The following LSM1 variants were observed in gnomAD, a reference collection of about 807,000 sequenced individuals.
LSM1 encodes the protein U6 snRNA-associated Sm-like protein LSm1.
A neutral mutation model predicts 18.0 loss-of-function variants in LSM1; 13 were observed. That is an observed-to-expected ratio of 0.72 (90% CI 0.47 to 1.15). The LOEUF is 1.15. Among genes scored for constraint, LSM1 ranks in the 50% most tolerant of loss-of-function variants. LSM1 has a pLI of 0.00. For synonymous variants in LSM1, 46 were observed against 56.0 expected (o/e 0.82, Z 0.80); for missense variants, 152 against 157.7 (o/e 0.96, Z 0.19).
At position 38,174,802 on chromosome 8, in the gene LSM1, C is replaced by T. The variant is rs191581375; in HGVS notation, c.46+1473G>A. On this transcript the variant is annotated intron_variant, in intron 1 of 3. Coordinates refer to ENST00000311351, the MANE Select transcript of LSM1 (RefSeq NM_014462.3). ...CTCTGGGAGGCCGAGGTGGGTGGAT[C>T]ACCTGAGGTCAGGAGTTGGAGACCA... Among the ~76,000 whole-genome samples the T allele has an allele frequency of 1.0e-3, 154 of 152,024 alleles. 1 individual carries two copies. Among genetic ancestry groups the T allele is most frequent in the African/African-American group, 3.1e-3 (128 of 41,494 alleles).
At chr8:38,163,875 A>G in intron 3 of LSM1, 35 bp from the exon 4 acceptor site, 2 of 1,594,922 alleles carry the variant, frequency 1.3e-6, no homozygotes, top group Non-Finnish European at 1.7e-6. Flanking sequence ...CTTCACCTGA[A>G]GACCAAGAAT....
chr8:38,176,552 C>G (rs555536846), upstream of LSM1: 1 of 579,174 alleles, frequency 1.7e-6, no homozygotes, highest in African/African-American at 1.9e-5. Context: ...GGCAGCCGTA[C>G]CGTTGGGGGA....
upstream of LSM1, chr8:38,176,562 A>T (rs1010054294): frequency 2.4e-5 from 14 of 577,094 alleles, no homozygotes; most frequent in Non-Finnish European, 4.3e-5. Context: ...CCGTTGGGGG[A>T]CACCCTTTCC....
In LSM1 at chr8:38,163,691, T is replaced by A; in HGVS notation, c.381A>T (p.Ala127=). Residue 127 remains alanine (A), a synonymous_variant, in exon 4 of 4, where the codon GCA becomes GCT. Transcript: ENST00000311351. The part of the protein sequence containing the change: ...LKDRGLSIPR[A]DTLDEY The stretch of plus-strand genomic sequence containing the variant: ...AAGATTAGTACTCATCAAGAGTATC[T>A]GCTCGAGGAATGGAAAGACCTCGGT... 6.2e-7 allele frequency: 1 copy of A among 1,614,244 alleles called. No individual in the cohort carries two copies.
intron 3 of LSM1, among the ~76,000 whole-genome samples, chr8:38,166,835 A>G (rs1388284514): frequency 1.3e-5 from 2 of 152,222 alleles, no homozygotes; most frequent in African/African-American, 4.8e-5. Context: ...GCAGCTAAAG[A>G]GAGCACAGTG....
At chr8:38,173,276 G>C (rs1297252992) in intron 1 of LSM1, among the ~76,000 whole-genome samples, 1 of 151,878 alleles carries the variant, frequency 6.6e-6, no homozygotes, top group Non-Finnish European at 1.5e-5. Context: ...TTAATTATAT[G>C]AGACTACAGA....
chr8:38,172,958 CAAAT>C (rs1803055489), intron 1 of LSM1, among the ~76,000 whole-genome samples: 1 of 151,656 alleles, frequency 6.6e-6, no homozygotes, highest in South Asian at 2.1e-4. Flanking sequence ...TGGAGGAGGA[CAAAT>C]AAATAAGAAA....
At position 38,171,950 on chromosome 8, in the gene LSM1, T is replaced by C. The variant is rs2130645944; in HGVS notation, c.115+15A>G. 2 of 1,576,098 alleles carry C rather than the reference T, an allele frequency of 1.3e-6. No homozygotes were observed. The highest frequency in any genetic ancestry group is 1.7e-6 in the Non-Finnish European group (2 of 1,152,608). On this transcript the variant is annotated intron_variant, in intron 2 of 3. Transcript: ENST00000311351. ...TTATCCAGAGTATAAGAGATGTCCA[T>C]AAATTAATACATACCAAATTGATCA...
intron 2 of LSM1, 30 bp from the exon 3 acceptor site, chr8:38,169,947 ATTTAG>A (rs750994112): frequency 1.5e-5 from 18 of 1,215,600 alleles, no homozygotes; most frequent in Non-Finnish European, 2.1e-5. Flanking sequence ...AACCAAAGAT[ATTTAG>A]TTTAAACTAC....
Position 38,163,545 on chromosome 8 carries a change from TTAAAAA to T in LSM1, c.*119_*124del, listed in dbSNP as rs942092764. 5.0e-6 allele frequency: 4 copies of T among 792,260 alleles called. No homozygotes were observed. In the African/African-American group the frequency reaches 5.2e-5, roughly 10 times the overall value. The allele number at this position is 792,260 out of a possible 1,614,324, so 49.1% of individuals were successfully genotyped here. A position where few individuals can be genotyped will look rare whatever the true frequency, so the allele number is the denominator to read the frequency against. On this transcript the variant is annotated 3_prime_UTR_variant, in exon 4 of 4. Coordinates refer to ENST00000311351, the MANE Select transcript of LSM1 (RefSeq NM_014462.3). Reference sequence around the variant, plus strand: ...TCTTCATGTTGCATATGTAAAATAATTAAAAATAAAAGTGACTTTTCAAAACTCTAC... The same window carrying T: ...TCTTCATGTTGCATATGTAAAATAATTAAAAGTGACTTTTCAAAACTCTAC...
intron 1 of LSM1, among the ~76,000 whole-genome samples, chr8:38,175,025 CAAAAA>C (rs1203614273): frequency 5.3e-5 from 3 of 57,098 alleles, no homozygotes; most frequent in Admixed American, 2.3e-4. Flanking sequence ...GACTCTGTCT[CAAAAA>C]AAAAAAAAAA....
At chr8:38,174,148 A>G (rs1803076230) in intron 1 of LSM1, among the ~76,000 whole-genome samples, 1 of 152,234 alleles carries the variant, frequency 6.6e-6, no homozygotes, top group Admixed American at 6.5e-5. Context: ...TGATCAAGAA[A>G]CAGACAAAAT....
chr8:38,176,680 ACCCCAGAGTCACTGACCTCCGT>A, upstream of LSM1: 2 of 662,730 alleles, frequency 3.0e-6, no homozygotes. Context: ...GGTTCCCGAG[ACCCCAGAGTCACTGACCTCCGT>A]CCCTCAGCTT....
upstream of LSM1, chr8:38,176,544 C>T: frequency 3.4e-6 from 2 of 580,120 alleles, no homozygotes; most frequent in Non-Finnish European, 6.1e-6. Flanking sequence ...AGAGGCGGGG[C>T]AGCCGTACCG....
rs1803109627 is a variant in LSM1 at position 38,175,273 on chromosome 8, G to A, written c.46+1002C>T. Among the ~76,000 whole-genome samples the A allele has an allele frequency of 2.0e-5, 3 of 151,996 alleles. No individual in the cohort carries two copies. In the South Asian group the frequency reaches 6.2e-4, roughly 32 times the overall value. ...TGTAGGAACGGGGTTTCACCATGTTGGCTAGGCTGGTCTTGAACTCCCGAC... is the reference window on the plus strand; with the variant it reads ...TGTAGGAACGGGGTTTCACCATGTTAGCTAGGCTGGTCTTGAACTCCCGAC... On this transcript the variant is annotated intron_variant, in intron 1 of 3. Coordinates refer to ENST00000311351, the MANE Select transcript of LSM1 (RefSeq NM_014462.3).
intron 3 of LSM1, chr8:38,165,962 A>C: frequency 6.6e-6 from 1 of 152,228 alleles, no homozygotes; most frequent in East Asian, 1.9e-4. Context: ...TAGTATGCTT[A>C]ATATTTTTAT....
chr8:38,172,814 TA>T, intron 1 of LSM1, among the ~76,000 whole-genome samples: 1 of 152,228 alleles, frequency 6.6e-6, no homozygotes, highest in African/African-American at 2.4e-5. Flanking sequence ...TTCAGGCATT[TA>T]AAATGAAGAC....
At chr8:38,173,525 TAGGG>T (rs1462166575) in intron 1 of LSM1, among the ~76,000 whole-genome samples, 2 of 152,258 alleles carry the variant, frequency 1.3e-5, no homozygotes, top group African/African-American at 4.8e-5. Context: ...TTTGACTTCA[TAGGG>T]AACAAGAAAA....
At chr8:38,169,111 C>T (rs1434672442) in intron 3 of LSM1, among the ~76,000 whole-genome samples, 1 of 152,082 alleles carries the variant, frequency 6.6e-6, no homozygotes, top group Non-Finnish European at 1.5e-5. Flanking sequence ...TTTTATTTTC[C>T]TTGCAAACCC....
Sources: gnomAD v4.1 joint callset for allele counts (sites outside exome capture counted in the v4.1 genomes callset) on GRCh38, gnomAD v4.1.1 for gene constraint, MANE v1.5 for transcripts, NCBI Gene and HGNC (gene_info 2026-07-23, HGNC 2026-07-21) for gene names.